Variants in EFCC1 observed in about 807,000 individuals in gnomAD.
EFCC1 encodes EF-hand and coiled-coil domain-containing protein 1.
In EFCC1, 50 loss-of-function variants were observed where a neutral mutation model predicts 52.1. The observed-to-expected ratio is 0.96, with a 90% confidence interval of 0.76 to 1.21. The LOEUF is 1.21. Among genes scored for constraint, EFCC1 ranks in the 50% most tolerant of loss-of-function variants. The probability of loss-of-function intolerance (pLI) is 0.00; values close to 1 mark genes in which losing one functional copy is unlikely to be tolerated. For synonymous variants in EFCC1, 399 were observed against 396.5 expected (o/e 1.01, Z -0.08); for missense variants, 837 against 867.3 (o/e 0.97, Z 0.44).
intron 1 of EFCC1, chr3:129,002,581 T>C (rs1481599671): frequency 3.3e-6 from 2 of 602,980 alleles, no homozygotes; most frequent in Non-Finnish European, 5.1e-6. Flanking sequence ...TACCCCACTT[T>C]TCTGCTCCAC....
intron 2 of EFCC1, among the ~76,000 whole-genome samples, chr3:129,027,208 G>A (rs949425866): frequency 7.9e-5 from 12 of 152,196 alleles, no homozygotes; most frequent in Admixed American, 6.5e-4. Context: ...GGCCACTCAC[G>A]GTGGCCAGGG....
At chr3:129,018,796 A>G (rs1479812486) in intron 2 of EFCC1, among the ~76,000 whole-genome samples, 3 of 152,012 alleles carry the variant, frequency 2.0e-5, no homozygotes, top group Non-Finnish European at 4.4e-5. Flanking sequence ...TTGCGAAGTG[A>G]GTCTTTCGGG....
intron 2 of EFCC1, among the ~76,000 whole-genome samples, chr3:129,009,018 C>T (rs888825178): frequency 1.6e-5 from 2 of 124,464 alleles, no homozygotes; most frequent in Admixed American, 1.8e-4. Flanking sequence ...GGGTGGGGGG[C>T]GGGGCGGGAA....
intron 2 of EFCC1, among the ~76,000 whole-genome samples, chr3:129,027,323 C>G (rs1204340410): frequency 6.6e-6 from 1 of 152,136 alleles, no homozygotes; most frequent in Non-Finnish European, 1.5e-5. Flanking sequence ...CAGGGGGCCC[C>G]GGCGCCCGTG....
In EFCC1 at chr3:129,030,821, C is replaced by A. The variant is rs1252457105; in HGVS notation, c.1099C>A (p.Gln367Lys). 1.9e-6 allele frequency: 3 copies of A among 1,551,348 alleles called. No homozygotes were observed. The highest frequency in any genetic ancestry group is 2.6e-6 in the Non-Finnish European group (3 of 1,146,862). Residue 367 changes from glutamine to lysine, a missense_variant, in exon 3 of 8, where the codon CAG becomes AAG. Transcript: ENST00000683648. ...AGACCCCACTCCAGAGGGAGCCTGG[C>A]AGTCAGACAGCAGCTCTGGAAGCAG... ...DPDPTPEGAW[Q>K]SDSSSGSRAL...
Position 129,002,029 on chromosome 3 carries a change from G to A in EFCC1, c.401G>A (p.Arg134His). 1.9e-6 allele frequency: 3 copies of A among 1,544,200 alleles called. No homozygotes were observed. The highest frequency in any genetic ancestry group is 2.6e-6 in the Non-Finnish European group (3 of 1,144,674). Residue 134 changes from arginine (R) to histidine (H), a missense_variant, in exon 1 of 8, where the codon CGC (arginine) becomes CAC (histidine). By Grantham distance (29) the Arg-to-His change is conservative. Coordinates refer to ENST00000683648, the MANE Select transcript of EFCC1 (RefSeq NM_001377500.1). Reference sequence around the variant, plus strand: ...GATGAAGAGGCGCGCCTGGCGCTGCGCGCCGAGCCGCCGGAGCTCACCTTC... The same window carrying A: ...GATGAAGAGGCGCGCCTGGCGCTGCACGCCGAGCCGCCGGAGCTCACCTTC... The part of the protein sequence containing the change: ...DTDEEARLAL[R>H]AEPPELTFRQ...
chr3:129,003,957 A>C lies in EFCC1; in HGVS notation c.860A>C (p.Glu287Ala), dbSNP rs980510579. 1.4e-6 allele frequency: 2 copies of C among 1,434,246 alleles called. No individual in the cohort carries two copies. The highest frequency in any genetic ancestry group is 1.8e-6 in the Non-Finnish European group (2 of 1,098,780). 88.8% of individuals were successfully genotyped at this position (1,434,246 alleles called of 1,614,324 possible). The change falls in exon 2 of 8, where the codon GAG (glutamate) becomes GCG (alanine). Residue 287 changes from glutamate (E) to alanine (A), a missense_variant. Transcript: ENST00000683648. The stretch of plus-strand genomic sequence containing the variant: ...GCCGAGGTGCGGCGGCGCGCGGAGG[A>C]GGCCCGGCAGGTGGTGCTGCGCAGC... ...GQAEVRRRAE[E>A]ARQVVLRSLH...
At chr3:129,029,090 A>G (rs758163382) in intron 2 of EFCC1, among the ~76,000 whole-genome samples, 12 of 152,008 alleles carry the variant, frequency 7.9e-5, no homozygotes, top group Admixed American at 3.3e-4. Flanking sequence ...CTGCGATTCG[A>G]GTTCTCCCGT....
rs113195675 is a variant in EFCC1 at position 129,010,740 on chromosome 3, C to T, written c.980+6663C>T. Among the ~76,000 whole-genome samples, 1,336 of 152,220 alleles carry T rather than the reference C, an allele frequency of 8.8e-3. 20 individuals are homozygous for T. Among genetic ancestry groups the T allele is most frequent in the African/African-American group, 0.03 (1,256 of 41,532 alleles). On this transcript the variant is annotated intron_variant, in intron 2 of 7. Transcript: ENST00000683648. The surrounding 1 kb of genome is among the most constrained non-coding windows in gnomAD (Gnocchi z 4.3). ...GGCACCATCTGGAGCTGGGAGGCCT[C>T]GGATTCCATCGTCCTTGGAGGTGGG...
At chr3:129,028,015 A>G (rs1009359008) in intron 2 of EFCC1, among the ~76,000 whole-genome samples, 61 of 152,050 alleles carry the variant, frequency 4.0e-4, no homozygotes, top group Non-Finnish European at 4.3e-4. Flanking sequence ...AAATAAAGCT[A>G]CAATGTATGA....
intron 2 of EFCC1, among the ~76,000 whole-genome samples, chr3:129,026,330 C>T (rs999602923): frequency 1.3e-5 from 2 of 151,962 alleles, no homozygotes; most frequent in Admixed American, 6.5e-5. Flanking sequence ...TCTCATTTTG[C>T]TTGTTGAAAC....
At chr3:129,017,657 C>G (rs1258929682) in intron 2 of EFCC1, among the ~76,000 whole-genome samples, 2 of 152,212 alleles carry the variant, frequency 1.3e-5, no homozygotes, top group African/African-American at 4.8e-5. Context: ...CCTTCTCACA[C>G]TTCACATCTC....
chr3:129,035,930 G>A (rs1273077945), intron 5 of EFCC1, among the ~76,000 whole-genome samples: 3 of 152,232 alleles, frequency 2.0e-5, no homozygotes, highest in Non-Finnish European at 4.4e-5. Flanking sequence ...CTTGTGGTGA[G>A]TGCTCAGCAA....
In EFCC1 at chr3:129,003,338, A is replaced by T. The variant is rs570504457; in HGVS notation, c.697-456A>T. The stretch of plus-strand genomic sequence containing the variant: ...GCCAGGTTTGTTTTAGGCTCTGGGA[A>T]CACACCAGTAAAGACAGATAGAAAC... On this transcript the variant is annotated intron_variant, in intron 1 of 7. Coordinates refer to ENST00000683648, the MANE Select transcript of EFCC1 (RefSeq NM_001377500.1). 1.5e-5 allele frequency: 14 copies of T among 956,130 alleles called. No individual in the cohort carries two copies. The South Asian group carries it at 5.3e-4, about 36-fold the overall frequency. 59.2% of individuals were successfully genotyped at this position (956,130 alleles called of 1,614,324 possible).
Position 129,014,773 on chromosome 3 carries a change from T to C in EFCC1, c.980+10696T>C, listed in dbSNP as rs1945496440. ...GACTCCCATAGCAAAATCACAGGGC[T>C]GGGCACAAGCTTGGCTTGTCTGCAC... On this transcript the variant is annotated intron_variant, in intron 2 of 7. Transcript: ENST00000683648. The surrounding 1 kb of genome is among the most constrained non-coding windows in gnomAD (Gnocchi z 4.3). Among the ~76,000 whole-genome samples the C allele has an allele frequency of 6.6e-6, 1 of 152,154 alleles. No homozygotes were observed. The highest frequency in any genetic ancestry group is 2.4e-5 in the African/African-American group (1 of 41,434).
chr3:129,038,489 G>T (rs1241532150), intron 6 of EFCC1, among the ~76,000 whole-genome samples: 2 of 152,252 alleles, frequency 1.3e-5, no homozygotes, highest in Admixed American at 6.5e-5. Context: ...GGTTAAAATG[G>T]GCATAATAAA....
intron 2 of EFCC1, among the ~76,000 whole-genome samples, chr3:129,028,504 CTG>C (rs2107932394): frequency 6.6e-6 from 1 of 152,304 alleles, no homozygotes; most frequent in South Asian, 2.1e-4. Flanking sequence ...TCCAACAAAA[CTG>C]TGAGAACACA....
rs1355130605 is a variant in EFCC1, at chr3:129,034,311, G to A, written c.1434G>A (p.Leu478=). The A allele has an allele frequency of 6.2e-7, 1 of 1,613,998 alleles. No individual in the cohort carries two copies. Among genetic ancestry groups the A allele is most frequent in the South Asian group, 1.1e-5 (1 of 91,076 alleles). Reference sequence around the variant, plus strand: ...CTCAGGGCTGCGGTGGGAGGACCCTGGGGACCTCTGAGGAGGAGGTCAGCA... The same window carrying A: ...CTCAGGGCTGCGGTGGGAGGACCCTAGGGACCTCTGAGGAGGAGGTCAGCA... The part of the protein sequence containing the change: ...LRTQGCGGRT[L]GTSEEEAELQ... Residue 478 remains leucine, a synonymous_variant, in exon 5 of 8, where the codon CTG becomes CTA. Transcript: ENST00000683648.
At chr3:129,006,378 G>A (rs1322604995) in intron 2 of EFCC1, among the ~76,000 whole-genome samples, 1 of 152,214 alleles carries the variant, frequency 6.6e-6, no homozygotes, top group African/African-American at 2.4e-5. Flanking sequence ...GTGCAATGGT[G>A]CGATCTTGGC....
Sources: allele counts gnomAD v4.1 joint callset (sites outside exome capture counted in the v4.1 genomes callset), GRCh38; gene constraint gnomAD v4.1.1; non-coding constraint Gnocchi (gnomAD v3.1); transcripts MANE v1.5; gene names NCBI Gene and HGNC (gene_info 2026-07-23, HGNC 2026-07-21).